Variants in ALPK1 observed in about 807,000 individuals in gnomAD.
ALPK1 encodes the protein alpha-protein kinase 1.
ALPK1 carries 110 observed loss-of-function variants against 120.6 expected under a neutral mutation model. That is an observed-to-expected ratio of 0.91 (90% CI 0.78 to 1.07). ALPK1 has a LOEUF of 1.07. ALPK1 is among the 50% of genes least tolerant of loss of function. The pLI is 0.00. For missense variants in ALPK1, 1,498 were observed against 1,483.9 expected, an observed-to-expected ratio of 1.01 and a Z score of -0.16; for synonymous variants, 582 against 560.3, an observed-to-expected ratio of 1.04 and a Z score of -0.55.
rs1361723659 is a variant in ALPK1, at chr4:112,430,451, A to G, written c.904A>G (p.Ile302Val). 1.9e-6 allele frequency: 3 copies of G among 1,565,852 alleles called. No individual in the cohort carries two copies. The highest frequency in any genetic ancestry group is 2.6e-6 in the Non-Finnish European group (3 of 1,153,468). ...TPLFVLTAVN[I>V]RGTCLLSYSS... ...TGGTATTTGGTATTTTTCCCAGAAT[A>G]TCCGTGGCACGTGTTTATTGTCCTA... Residue 302 changes from isoleucine to valine, a missense_variant, in exon 11 of 16, where the codon ATC becomes GTC. Ile to Val is a conservative substitution (Grantham distance 29). Coordinates refer to ENST00000650871, the MANE Select transcript of ALPK1 (RefSeq NM_025144.4).
chr4:112,350,823 G>T (rs1315353245), intron 2 of ALPK1, among the ~76,000 whole-genome samples: 3 of 152,122 alleles, frequency 2.0e-5, no homozygotes, highest in Non-Finnish European at 4.4e-5. Flanking sequence ...CAAGTTGAAG[G>T]CTCTTTAAAG....
chr4:112,350,872 A>G (rs1293514275), intron 2 of ALPK1, among the ~76,000 whole-genome samples: 1 of 152,136 alleles, frequency 6.6e-6, no homozygotes, highest in Admixed American at 6.5e-5. Flanking sequence ...ACTGCCTCCT[A>G]GTATCATGAT....
chr4:112,441,184 T>C lies in ALPK1; in HGVS notation c.3728-19T>C. ...AAATATCTGGTGATGCTCGCAAATATCTGGTTCTCTCCTTCCAGGCACATA... is the reference window on the plus strand; with the variant it reads ...AAATATCTGGTGATGCTCGCAAATACCTGGTTCTCTCCTTCCAGGCACATA... On this transcript the variant is annotated intron_variant, in intron 15 of 15. Coordinates refer to ENST00000650871, the MANE Select transcript of ALPK1 (RefSeq NM_025144.4). The C allele has an allele frequency of 4.3e-6, 7 of 1,611,520 alleles. No individual in the cohort carries two copies. Among genetic ancestry groups the C allele is most frequent in the South Asian group, 1.1e-5 (1 of 91,060 alleles).
intron 2 of ALPK1, among the ~76,000 whole-genome samples, chr4:112,351,084 G>A (rs371923709): frequency 3.3e-5 from 5 of 152,202 alleles, no homozygotes; most frequent in Admixed American, 6.5e-5. Context: ...CTAATAGTTC[G>A]TCAGATGTCA....
At chr4:112,372,135 C>T (rs752800023) in intron 2 of ALPK1, among the ~76,000 whole-genome samples, 1 of 151,914 alleles carries the variant, frequency 6.6e-6, no homozygotes, top group Non-Finnish European at 1.5e-5. Context: ...TATGCTGTTT[C>T]TACTTAAGTC....
intron 2 of ALPK1, chr4:112,356,188 C>G: frequency 6.2e-7 from 1 of 1,607,368 alleles, no homozygotes. Context: ...CCCAGCCCTA[C>G]AAATGCCAAC....
chr4:112,326,818 A>G (rs912355687), intron 2 of ALPK1, among the ~76,000 whole-genome samples: 2 of 152,328 alleles, frequency 1.3e-5, no homozygotes, highest in South Asian at 2.1e-4. Context: ...TTTAGAGCCC[A>G]TAGGGAGGAC....
At chr4:112,305,590 A>G (rs1046852814) in intron 1 of ALPK1, among the ~76,000 whole-genome samples, 1 of 152,074 alleles carries the variant, frequency 6.6e-6, no homozygotes, top group African/African-American at 2.4e-5. Flanking sequence ...TGATTTTTGC[A>G]CATTGATTTT....
At position 112,411,999 on chromosome 4, in the gene ALPK1, G is replaced by T. The variant is rs374550552; in HGVS notation, c.449G>T (p.Arg150Leu). Reference protein sequence around the residue: ...ATPIAPQVVIRQARISVNSGK... With the variant: ...ATPIAPQVVILQARISVNSGK... ...CCAATTGCCCCGCAGGTGGTTATTC[G>T]CCAAGCCCGAATCTCCGTGAACTCA... Residue 150 changes from arginine to leucine, a missense_variant, in exon 5 of 16, where the codon CGC becomes CTC. By Grantham distance (102) the Arg-to-Leu change is moderately radical. Coordinates refer to ENST00000650871, the MANE Select transcript of ALPK1 (RefSeq NM_025144.4). The T allele has an allele frequency of 1.2e-6, 2 of 1,614,014 alleles. No homozygotes were observed. Among genetic ancestry groups the T allele is most frequent in the Non-Finnish European group, 1.7e-6 (2 of 1,180,026 alleles).
chr4:112,350,224 A>G (rs1730292015), intron 2 of ALPK1, among the ~76,000 whole-genome samples: 2 of 152,262 alleles, frequency 1.3e-5, no homozygotes, highest in African/African-American at 4.8e-5. Context: ...TCAAAGCTAC[A>G]TAGTTCTATG....
At position 112,430,658 on chromosome 4, in the gene ALPK1, G is replaced by A. The variant is rs1267675972; in HGVS notation, c.1111G>A (p.Glu371Lys). The A allele has an allele frequency of 6.2e-7, 1 of 1,614,202 alleles. No individual in the cohort carries two copies. Among genetic ancestry groups the A allele is most frequent in the Admixed American group, 1.7e-5 (1 of 60,034 alleles). ...LTTVHRRLHG[E>K]TGTVHAASQL... Reference sequence around the variant, plus strand: ...CACAGTGCACAGAAGGCTCCATGGGGAGACAGGGACGGTCCATGCAGCAAG... The same window carrying A: ...CACAGTGCACAGAAGGCTCCATGGGAAGACAGGGACGGTCCATGCAGCAAG... The change falls in exon 11 of 16, where the codon GAG becomes AAG. Residue 371 changes from glutamate (E) to lysine (K), a missense_variant. By Grantham distance (56) the Glu-to-Lys change is moderately conservative. Coordinates refer to ENST00000650871, the MANE Select transcript of ALPK1 (RefSeq NM_025144.4).
chr4:112,358,156 G>A (rs1023696890), intron 2 of ALPK1: 5 of 617,984 alleles, frequency 8.1e-6, no homozygotes, highest in African/African-American at 1.8e-5. Flanking sequence ...AGGCGTCCAG[G>A]GCTGTGAACC....
intron 2 of ALPK1, chr4:112,359,379 C>T: frequency 2.8e-6 from 1 of 358,022 alleles, no homozygotes; most frequent in Non-Finnish European, 5.4e-6. Flanking sequence ...GGTGCTGGCC[C>T]TACTGGCTGC....
intron 15 of ALPK1, 33 bp downstream of exon 15, chr4:112,441,138 A>G (rs1407532740): frequency 8.7e-6 from 14 of 1,613,798 alleles, no homozygotes; most frequent in East Asian, 2.2e-5. Flanking sequence ...TGGTAATGTG[A>G]CAGACCTTAG....
At chr4:112,410,155 CTTTG>C (rs1252637509) in intron 4 of ALPK1, among the ~76,000 whole-genome samples, 2 of 152,102 alleles carry the variant, frequency 1.3e-5, no homozygotes, top group Non-Finnish European at 2.9e-5. Context: ...TCTGAACTTG[CTTTG>C]TGCAACTCTC....
chr4:112,315,980 A>G (rs1395820239), intron 2 of ALPK1, 128 bp downstream of exon 2: 3 of 152,196 alleles, frequency 2.0e-5, no homozygotes, highest in Non-Finnish European at 4.4e-5. Context: ...AACATTCCAC[A>G]TTTTATTGTA....
At chr4:112,363,930 T>C (rs557477106) in intron 2 of ALPK1, among the ~76,000 whole-genome samples, 1 of 152,232 alleles carries the variant, frequency 6.6e-6, no homozygotes, top group South Asian at 2.1e-4. Context: ...TGCAAATACA[T>C]GGAAATGAAA....
At chr4:112,356,943 C>T (rs1394401079) in intron 2 of ALPK1, 13 of 761,502 alleles carry the variant, frequency 1.7e-5, no homozygotes, top group Non-Finnish European at 2.9e-5. Flanking sequence ...CCCCATGACC[C>T]GAGTTCGGGA....
intron 4 of ALPK1, among the ~76,000 whole-genome samples, chr4:112,403,343 G>A (rs72666258): frequency 0.012 from 1,864 of 152,260 alleles, 17 homozygotes; most frequent in Non-Finnish European, 0.018. Context: ...GTAGAAACAC[G>A]ACAGAGCGGC....
Sources: gnomAD v4.1 joint callset for allele counts (sites outside exome capture counted in the v4.1 genomes callset) on GRCh38, gnomAD v4.1.1 for gene constraint, MANE v1.5 for transcripts, NCBI Gene and HGNC (gene_info 2026-07-23, HGNC 2026-07-21) for gene names.